Variants in SHC3 observed in about 807,000 individuals in gnomAD.
SHC3 encodes SHC adaptor protein 3.
Under a neutral mutation model 60.4 loss-of-function variants are expected in SHC3, and 15 were observed. The ratio of observed to expected loss-of-function variants is 0.25; its 90% confidence interval spans 0.17 to 0.38. The LOEUF is 0.38. Among genes scored for constraint, SHC3 ranks in the 10% least tolerant of loss-of-function variants. The pLI is 1.00. For missense variants in SHC3, 677 were observed against 786.1 expected, an observed-to-expected ratio of 0.86 and a Z score of 1.66; for synonymous variants, 294 against 325.9, an observed-to-expected ratio of 0.90 and a Z score of 1.05.
chr9:89,155,349 C>A (rs1826607212), intron 1 of SHC3, among the ~76,000 whole-genome samples: 1 of 152,144 alleles, frequency 6.6e-6, no homozygotes, highest in African/African-American at 2.4e-5. Flanking sequence ...TACGGAACAA[C>A]CACTCAGCCA....
intron 9 of SHC3, among the ~76,000 whole-genome samples, chr9:89,043,963 T>G (rs573674529): frequency 6.6e-6 from 1 of 152,300 alleles, no homozygotes; most frequent in South Asian, 2.1e-4. Flanking sequence ...CTATTTATTG[T>G]TTTCAAAGAA....
chr9:89,107,810 C>T (rs1465294398), intron 2 of SHC3, among the ~76,000 whole-genome samples: 2 of 152,264 alleles, frequency 1.3e-5, no homozygotes, highest in African/African-American at 2.4e-5. Context: ...AGAGAATCTA[C>T]AAAAATAGAT....
chr9:89,171,627 G>T (rs530236086), intron 1 of SHC3, among the ~76,000 whole-genome samples: 222 of 152,304 alleles, frequency 1.5e-3, no homozygotes, highest in African/African-American at 5.1e-3. Context: ...TTATAACAAT[G>T]AGCTCTTTGA....
chr9:89,077,798 G>C (rs370296898), intron 3 of SHC3, 42 bp downstream of exon 3: 102 of 1,609,600 alleles, frequency 6.3e-5, no homozygotes, highest in African/African-American at 1.3e-5. Flanking sequence ...AAAAGAGGAA[G>C]TAGAGGAGAC....
intron 1 of SHC3, among the ~76,000 whole-genome samples, chr9:89,136,223 G>C (rs1367149171): frequency 6.6e-6 from 1 of 152,128 alleles, no homozygotes; most frequent in African/African-American, 2.4e-5. Flanking sequence ...AAAAGGAGAG[G>C]AGAAACATGT....
intron 4 of SHC3, 135 bp downstream of exon 4, chr9:89,074,974 C>T: frequency 8.4e-7 from 1 of 1,194,254 alleles, no homozygotes; most frequent in South Asian, 2.2e-5. Flanking sequence ...TTCAAAGTGG[C>T]CAAAGTTCAT....
At chr9:89,021,352 G>T (rs1203867590) in intron 11 of SHC3, among the ~76,000 whole-genome samples, 1 of 152,082 alleles carries the variant, frequency 6.6e-6, no homozygotes, top group African/African-American at 2.4e-5. Context: ...AAACCACAAA[G>T]AAGTCTTCAC....
At chr9:89,027,605 A>G (rs1411220174) in intron 11 of SHC3, among the ~76,000 whole-genome samples, 1 of 115,570 alleles carries the variant, frequency 8.7e-6, no homozygotes, top group African/African-American at 3.4e-5. Context: ...CATAAGCCAT[A>G]AGCCACTGTG....
intron 5 of SHC3, among the ~76,000 whole-genome samples, chr9:89,069,200 C>T (rs1333549511): frequency 6.6e-6 from 1 of 151,982 alleles, no homozygotes; most frequent in African/African-American, 2.4e-5. Context: ...TCCCAGCTAC[C>T]CATGAGGCTG....
chr9:89,122,389 C>A (rs931300441), intron 1 of SHC3, among the ~76,000 whole-genome samples: 1 of 152,202 alleles, frequency 6.6e-6, no homozygotes, highest in Admixed American at 6.5e-5. Flanking sequence ...AAATTGTCGT[C>A]ATTGCCATAT....
intron 7 of SHC3, among the ~76,000 whole-genome samples, chr9:89,047,640 T>A (rs6559336): frequency 0.41 from 62,748 of 151,702 alleles, 14,739 homozygotes; most frequent in African/African-American, 0.63. Context: ...GCATGAAAAG[T>A]TCCTCAACAT....
intron 11 of SHC3, among the ~76,000 whole-genome samples, chr9:89,033,339 T>G (rs1483612313): frequency 6.6e-6 from 1 of 152,218 alleles, no homozygotes; most frequent in Non-Finnish European, 1.5e-5. Context: ...AGATTTTAGC[T>G]TTTTGTTTTT....
At chr9:89,158,903 T>C (rs1826665537) in intron 1 of SHC3, among the ~76,000 whole-genome samples, 1 of 152,182 alleles carries the variant, frequency 6.6e-6, no homozygotes, top group Non-Finnish European at 1.5e-5. Flanking sequence ...GTGGGCAAAA[T>C]AATCCTCAGT....
intron 1 of SHC3, among the ~76,000 whole-genome samples, chr9:89,124,069 G>A (rs1267209029): frequency 6.6e-6 from 1 of 151,708 alleles, no homozygotes; most frequent in East Asian, 1.9e-4. Context: ...TGCATTGCCA[G>A]CAAACATATG....
intron 2 of SHC3, among the ~76,000 whole-genome samples, chr9:89,111,229 T>G (rs990593901): frequency 6.6e-6 from 1 of 152,194 alleles, no homozygotes; most frequent in Non-Finnish European, 1.5e-5. Flanking sequence ...CCAGTAGGAA[T>G]GGTTGACAGT....
intron 2 of SHC3, chr9:89,110,411 C>T: frequency 1.0e-6 from 1 of 985,198 alleles, no homozygotes; most frequent in Non-Finnish European, 1.2e-6. Flanking sequence ...CTATAAACTT[C>T]CAAGAATTTC....
chr9:89,170,538 G>T (rs567381842), intron 1 of SHC3, among the ~76,000 whole-genome samples: 1 of 152,100 alleles, frequency 6.6e-6, no homozygotes, highest in Admixed American at 6.5e-5. Flanking sequence ...CCAGCTATTC[G>T]GGAGGCTGAG....
At chr9:89,118,718 A>T (rs1326032152) in intron 1 of SHC3, among the ~76,000 whole-genome samples, 1 of 152,208 alleles carries the variant, frequency 6.6e-6, no homozygotes, top group Non-Finnish European at 1.5e-5. Flanking sequence ...GACAAATAAC[A>T]TCATCAAAAG....
rs763664395 is a variant in SHC3 at position 89,178,286 on chromosome 9, C to T, written c.175G>A (p.Asp59Asn). Residue 59 changes from aspartate (D) to asparagine (N), a missense_variant, in exon 1 of 12, where the codon GAT becomes AAT. By Grantham distance (23) the Asp-to-Asn change is conservative (BLOSUM62 1). Coordinates refer to ENST00000375835, the MANE Select transcript of SHC3 (RefSeq NM_016848.6). This position sits in a 1 kb window ranked among gnomAD's most constrained non-coding sequence, Gnocchi z 6.9. ...AGGTGGCCCAGGCTGCCGGGCCCAT[C>T]GTCGGGCGCCTTGCGCAGCGCCTCG... is the stretch of plus-strand genomic sequence containing the variant. Reference protein sequence around the residue: ...SGEALRKAPDDGPGSLGHLLH... With the variant: ...SGEALRKAPDNGPGSLGHLLH... The T allele has an allele frequency of 1.9e-6, 3 of 1,561,140 alleles. No individual in the cohort carries two copies. The highest frequency in any genetic ancestry group is 2.6e-6 in the Non-Finnish European group (3 of 1,155,994).
Sources: allele counts gnomAD v4.1 joint callset (sites outside exome capture counted in the v4.1 genomes callset), GRCh38; gene constraint gnomAD v4.1.1; non-coding constraint Gnocchi (gnomAD v3.1); transcripts MANE v1.5; gene names NCBI Gene and HGNC (gene_info 2026-07-23, HGNC 2026-07-21).